The following GUCY1A2 variants were observed in gnomAD, a reference collection of about 807,000 sequenced individuals.
The protein encoded by GUCY1A2 is guanylate cyclase soluble subunit alpha-2.
In GUCY1A2, 27 loss-of-function variants were observed where a neutral mutation model predicts 63.5. That is an observed-to-expected ratio of 0.43 (90% CI 0.31 to 0.59). The LOEUF (loss-of-function observed/expected upper bound fraction) is 0.59, where lower values mean the gene tolerates loss of function less well. Among genes scored for constraint, GUCY1A2 ranks in the 20% least tolerant of loss-of-function variants. The probability of loss-of-function intolerance (pLI) is 0.11; values close to 1 mark genes in which losing one functional copy is unlikely to be tolerated. For synonymous variants in GUCY1A2, 364 were observed against 343.5 expected, an observed-to-expected ratio of 1.06 and a Z score of -0.66; for missense variants, 768 against 913.3, an observed-to-expected ratio of 0.84 and a Z score of 2.05.
intron 1 of GUCY1A2, among the ~76,000 whole-genome samples, chr11:106,990,585 C>CTGTGTG (rs139110040): frequency 2.4e-4 from 37 of 151,852 alleles, no homozygotes; most frequent in African/African-American, 8.9e-4. Context: ...CTCTCTCTCT[C>CTGTGTG]TGTGTGTGTG....
At chr11:106,856,298 A>G (rs1859433356) in intron 4 of GUCY1A2, among the ~76,000 whole-genome samples, 1 of 152,116 alleles carries the variant, frequency 6.6e-6, no homozygotes, top group Admixed American at 6.5e-5. Flanking sequence ...TCAAAAAAAG[A>G]AAAAACGTGT....
intron 4 of GUCY1A2, among the ~76,000 whole-genome samples, chr11:106,851,124 C>A (rs1048000458): frequency 2.0e-5 from 3 of 151,716 alleles, no homozygotes; most frequent in African/African-American, 4.8e-5. Context: ...ATTTCTTGGC[C>A]ATTTGTATGT....
rs538210191 is a variant in GUCY1A2, at chr11:106,953,710, G to T, written c.488-13532C>A. Among the ~76,000 whole-genome samples, 3 of 151,872 alleles carry T rather than the reference G, an allele frequency of 2.0e-5. No homozygotes were observed. The East Asian group carries it at 5.8e-4, about 30-fold the overall frequency. ...TGCCTCAATTTTAGAGCTTGTTATT[G>T]GTCTATTCAGGGATTCAACTTCTTC... On this transcript the variant is annotated intron_variant, in intron 3 of 7. Coordinates refer to ENST00000526355, the MANE Select transcript of GUCY1A2 (RefSeq NM_000855.3).
chr11:106,689,499 T>C (rs1021515309), intron 7 of GUCY1A2, among the ~76,000 whole-genome samples: 2 of 151,908 alleles, frequency 1.3e-5, no homozygotes, highest in Non-Finnish European at 1.5e-5. Flanking sequence ...CTAGCATCTA[T>C]AAGAAACATA....
intron 5 of GUCY1A2, among the ~76,000 whole-genome samples, chr11:106,789,985 A>G (rs1591278053): frequency 6.6e-6 from 1 of 152,034 alleles, no homozygotes; most frequent in South Asian, 2.1e-4. Flanking sequence ...CTTGCTCAAG[A>G]CCTGCTGTAA....
intron 6 of GUCY1A2, among the ~76,000 whole-genome samples, chr11:106,766,857 C>G (rs116161829): frequency 0.011 from 1,719 of 152,110 alleles, 31 homozygotes; most frequent in African/African-American, 0.04. Flanking sequence ...AGAAAGGGAC[C>G]ATATGCTAAA....
At chr11:106,977,097 C>T (rs1008488272) in intron 3 of GUCY1A2, among the ~76,000 whole-genome samples, 2 of 152,122 alleles carry the variant, frequency 1.3e-5, no homozygotes, top group East Asian at 3.9e-4. Flanking sequence ...AGAAGAAAGA[C>T]GTGAGGGTCA....
chr11:106,859,408 AGTCT>A (rs1228252104), intron 4 of GUCY1A2, among the ~76,000 whole-genome samples: 2 of 151,970 alleles, frequency 1.3e-5, no homozygotes, highest in East Asian at 3.9e-4. Context: ...GAACCTCATC[AGTCT>A]ATTTTCCCTA....
chr11:106,836,582 G>A (rs950384202), intron 4 of GUCY1A2, among the ~76,000 whole-genome samples: 1 of 151,856 alleles, frequency 6.6e-6, no homozygotes, highest in African/African-American at 2.4e-5. Context: ...ACTTCATGTG[G>A]GCCCCATGGT....
intron 3 of GUCY1A2, among the ~76,000 whole-genome samples, chr11:106,971,304 A>G (rs1861191752): frequency 1.3e-5 from 2 of 152,030 alleles, no homozygotes; most frequent in South Asian, 4.1e-4. Context: ...GCTGTATTAC[A>G]AATATATGAA....
chr11:106,787,620 A>C (rs1179720784), intron 5 of GUCY1A2, among the ~76,000 whole-genome samples: 2 of 86,534 alleles, frequency 2.3e-5, no homozygotes, highest in Non-Finnish European at 5.2e-5. Context: ...AGAGAGAACA[A>C]GAGAAAAAGA....
chr11:106,998,479 A>T (rs531197915), intron 1 of GUCY1A2, among the ~76,000 whole-genome samples: 1 of 152,356 alleles, frequency 6.6e-6, no homozygotes, highest in African/African-American at 2.4e-5. Context: ...ATAAGTAAGC[A>T]TGTGCATATA....
intron 4 of GUCY1A2, among the ~76,000 whole-genome samples, chr11:106,855,997 C>T (rs1859427787): frequency 6.6e-6 from 1 of 151,600 alleles, no homozygotes; most frequent in African/African-American, 2.4e-5. Flanking sequence ...GTGACCTCAG[C>T]TTACTGCAGC....
chr11:106,944,630 C>A (rs1010831551), intron 3 of GUCY1A2, among the ~76,000 whole-genome samples: 1 of 151,922 alleles, frequency 6.6e-6, no homozygotes, highest in Non-Finnish European at 1.5e-5. Context: ...GCACATGTAC[C>A]CCTGAATTTA....
chr11:106,894,064 A>G (rs1428705722), intron 4 of GUCY1A2, among the ~76,000 whole-genome samples: 1 of 152,174 alleles, frequency 6.6e-6, no homozygotes, highest in Non-Finnish European at 1.5e-5. Context: ...ATCACTGCCT[A>G]TCCTACTAGG....
At chr11:106,772,718 A>G (rs1056216235) in intron 6 of GUCY1A2, among the ~76,000 whole-genome samples, 9 of 152,196 alleles carry the variant, frequency 5.9e-5, no homozygotes, top group African/African-American at 2.2e-4. Context: ...TAACTGTGCT[A>G]TGACAATGCT....
At chr11:106,756,415 G>A (rs908868983) in intron 6 of GUCY1A2, among the ~76,000 whole-genome samples, 17 of 152,072 alleles carry the variant, frequency 1.1e-4, no homozygotes, top group Admixed American at 2.6e-4. Context: ...TGTTTTGTCC[G>A]TTCATTGCTG....
At chr11:107,006,210 A>C (rs1189901461) in intron 1 of GUCY1A2, among the ~76,000 whole-genome samples, 3 of 152,222 alleles carry the variant, frequency 2.0e-5, no homozygotes, top group Non-Finnish European at 4.4e-5. Flanking sequence ...ACCTGAAGGA[A>C]TATTTTGTTT....
intron 6 of GUCY1A2, among the ~76,000 whole-genome samples, chr11:106,739,924 T>C (rs1863661439): frequency 6.6e-6 from 1 of 151,778 alleles, no homozygotes; most frequent in Non-Finnish European, 1.5e-5. Flanking sequence ...CAGAGGTCCC[T>C]AGCAGCACGA....
Sources: allele counts gnomAD v4.1 joint callset (sites outside exome capture counted in the v4.1 genomes callset), GRCh38; gene constraint gnomAD v4.1.1; transcripts MANE v1.5; gene names NCBI Gene and HGNC (gene_info 2026-07-23, HGNC 2026-07-21).